The following ACOXL variants were observed in gnomAD, a reference collection of about 807,000 sequenced individuals.
The protein encoded by ACOXL is acyl-coenzyme A oxidase-like protein.
ACOXL carries 70 observed loss-of-function variants against 71.9 expected under a neutral mutation model. The ratio of observed to expected loss-of-function variants is 0.97; its 90% CI spans 0.80 to 1.19. The LOEUF (loss-of-function observed/expected upper bound fraction) is 1.19. Among genes scored for constraint, ACOXL ranks in the 50% most tolerant of loss-of-function variants. ACOXL has a pLI of 0.00. For missense variants in ACOXL, 703 were observed against 736.3 expected, an observed-to-expected ratio of 0.95 and a Z score of 0.52; for synonymous variants, 253 against 281.6, an observed-to-expected ratio of 0.90 and a Z score of 1.02.
intron 12 of ACOXL, among the ~76,000 whole-genome samples, chr2:110,974,149 C>T (rs899586026): frequency 5.9e-5 from 9 of 152,158 alleles, no homozygotes; most frequent in African/African-American, 1.9e-4. Context: ...GGGAGGCCAC[C>T]CTTCTGTGGG....
At chr2:110,837,133 C>A (rs767110725) in intron 9 of ACOXL, among the ~76,000 whole-genome samples, 3 of 152,180 alleles carry the variant, frequency 2.0e-5, no homozygotes, top group Non-Finnish European at 4.4e-5. Flanking sequence ...GGGACAGGGG[C>A]CCTGGAGTGT....
chr2:110,781,581 G>T (rs1683342076), intron 2 of ACOXL, among the ~76,000 whole-genome samples: 1 of 152,072 alleles, frequency 6.6e-6, no homozygotes, highest in East Asian at 1.9e-4. Context: ...GGTGGAGGTT[G>T]CAGTGAGCCG....
At chr2:111,046,134 A>G (rs891210908) in intron 15 of ACOXL, among the ~76,000 whole-genome samples, 10 of 152,214 alleles carry the variant, frequency 6.6e-5, no homozygotes, top group Non-Finnish European at 1.3e-4. Flanking sequence ...AGACTTAGAG[A>G]AATCTTTGTA....
intron 15 of ACOXL, among the ~76,000 whole-genome samples, chr2:111,037,137 C>T (rs374621348): frequency 3.3e-5 from 5 of 152,178 alleles, no homozygotes; most frequent in South Asian, 2.1e-4. Context: ...TTGTGCCCGT[C>T]GGTCTTCATG....
At chr2:111,044,822 G>T (rs962507398) in intron 15 of ACOXL, among the ~76,000 whole-genome samples, 1 of 152,082 alleles carries the variant, frequency 6.6e-6, no homozygotes, top group African/African-American at 2.4e-5. Flanking sequence ...ATTTACTGCC[G>T]ACCATTGCAG....
chr2:111,056,749 C>T (rs1021605125), intron 16 of ACOXL, among the ~76,000 whole-genome samples: 69 of 143,734 alleles, frequency 4.8e-4, no homozygotes, highest in Non-Finnish European at 1.5e-5. Context: ...GATCGCACCA[C>T]TGCACTTCAG....
At chr2:110,964,357 C>T (rs2061836160) in intron 12 of ACOXL, among the ~76,000 whole-genome samples, 2 of 152,198 alleles carry the variant, frequency 1.3e-5, no homozygotes, top group Admixed American at 6.5e-5. Context: ...GCTCTGGCCA[C>T]TCAGTGGGGA....
chr2:110,790,450 A>G (rs1311257913), intron 3 of ACOXL, among the ~76,000 whole-genome samples: 3 of 152,010 alleles, frequency 2.0e-5, no homozygotes, highest in Non-Finnish European at 4.4e-5. Flanking sequence ...TGGGCATGTT[A>G]TGATCATTAC....
intron 17 of ACOXL, among the ~76,000 whole-genome samples, chr2:111,109,525 A>C (rs192668416): frequency 6.2e-4 from 93 of 150,990 alleles, no homozygotes; most frequent in Middle Eastern, 6.8e-3. Context: ...CGCAATACTC[A>C]CTCTGCTGTT....
At chr2:110,880,149 CAAACAAAAAA>C (rs1696449435) in intron 10 of ACOXL, among the ~76,000 whole-genome samples, 1 of 18,832 alleles carries the variant, frequency 5.3e-5, no homozygotes, top group African/African-American at 2.3e-4. Context: ...GACTCTGTCA[CAAACAAAAAA>C]AAAAAAAAAA....
chr2:110,813,857 C>A (rs924944322), intron 9 of ACOXL, among the ~76,000 whole-genome samples: 2 of 152,206 alleles, frequency 1.3e-5, no homozygotes, highest in Admixed American at 1.3e-4. Flanking sequence ...ATCACCAGAG[C>A]AACCCTGTGA....
intron 9 of ACOXL, among the ~76,000 whole-genome samples, chr2:110,818,069 A>T (rs1007763497): frequency 6.0e-5 from 9 of 151,024 alleles, no homozygotes; most frequent in African/African-American, 2.2e-4. Flanking sequence ...GATAATTCCG[A>T]GCATCAAATC....
chr2:110,911,939 G>A (rs1022222831), intron 11 of ACOXL, among the ~76,000 whole-genome samples: 3 of 152,192 alleles, frequency 2.0e-5, no homozygotes, highest in South Asian at 2.1e-4. Context: ...TGCAGATGAT[G>A]TGCCTTCATA....
At chr2:111,115,956 G>T (rs901650610) in intron 17 of ACOXL, among the ~76,000 whole-genome samples, 1 of 151,918 alleles carries the variant, frequency 6.6e-6, no homozygotes, top group Non-Finnish European at 1.5e-5. Context: ...CTGGCCCTAC[G>T]TTCTGTTTTT....
chr2:110,911,562 A>G (rs2059650879), intron 11 of ACOXL, among the ~76,000 whole-genome samples: 1 of 152,138 alleles, frequency 6.6e-6, no homozygotes, highest in Non-Finnish European at 1.5e-5. Flanking sequence ...GGTTGGTTTA[A>G]CATATCAAAA....
intron 16 of ACOXL, among the ~76,000 whole-genome samples, chr2:111,085,669 C>G (rs569173778): frequency 6.6e-6 from 1 of 151,998 alleles, no homozygotes; most frequent in South Asian, 2.1e-4. Flanking sequence ...ACTAGAGGAA[C>G]TAAAGAAGCA....
At chr2:110,843,690 C>A (rs929693634) in intron 10 of ACOXL, among the ~76,000 whole-genome samples, 2 of 152,220 alleles carry the variant, frequency 1.3e-5, no homozygotes, top group Non-Finnish European at 2.9e-5. Flanking sequence ...CTCCAGCCCC[C>A]ACGTTCTGTG....
chr2:110,773,418 A>G (rs1682222393), intron 2 of ACOXL, among the ~76,000 whole-genome samples: 1 of 152,140 alleles, frequency 6.6e-6, no homozygotes, highest in Admixed American at 6.5e-5. Flanking sequence ...GTTGTGCAAA[A>G]GGAGCTGAGC....
chr2:110,797,528 A>C (rs1685425532), intron 5 of ACOXL, among the ~76,000 whole-genome samples: 1 of 152,222 alleles, frequency 6.6e-6, no homozygotes, highest in Non-Finnish European at 1.5e-5. Flanking sequence ...AGTGGTGGGA[A>C]TAGGTCATGG....
Sources: allele counts gnomAD v4.1 joint callset (sites outside exome capture counted in the v4.1 genomes callset), GRCh38; gene constraint gnomAD v4.1.1; transcripts MANE v1.5; gene names NCBI Gene and HGNC (gene_info 2026-07-23, HGNC 2026-07-21).